The following PLCH1 variants were observed in gnomAD, a reference collection of about 807,000 sequenced individuals.
The protein encoded by PLCH1 is 1-phosphatidylinositol 4,5-bisphosphate phosphodiesterase eta-1.
PLCH1 carries 60 observed loss-of-function variants against 126.7 expected under a neutral mutation model. That is an observed-to-expected ratio of 0.47 (90% CI 0.38 to 0.59). PLCH1 has a LOEUF of 0.59. Among genes scored for constraint, PLCH1 ranks in the 20% least tolerant of loss-of-function variants. The pLI, the probability that PLCH1 is intolerant of heterozygous loss-of-function variation, is 0.00. For missense variants in PLCH1, 1,723 were observed against 2,040.0 expected, an observed-to-expected ratio of 0.84 and a Z score of 2.99; for synonymous variants, 719 against 734.9, an observed-to-expected ratio of 0.98 and a Z score of 0.35.
chr3:155,545,807 ATG>A lies in PLCH1; in HGVS notation c.1362+3978_1362+3979del, dbSNP rs1725178143. Reference sequence around the variant, plus strand: ...AAAAACCACATGATTATCTCAATAGATGCAGAAAAGGCCTTTGACAAAATTCA... The same window carrying A: ...AAAAACCACATGATTATCTCAATAGACAGAAAAGGCCTTTGACAAAATTCA... On this transcript the variant is annotated intron_variant, in intron 10 of 22. Coordinates refer to ENST00000460012, the MANE Select transcript of PLCH1 (RefSeq NM_014996.4). 2.6e-5 allele frequency among the ~76,000 whole-genome samples: 4 copies of A among 151,988 alleles called. No individual in the cohort carries two copies. The South Asian group carries it at 8.3e-4, about 32-fold the overall frequency.
rs567082852 is a variant in PLCH1, at chr3:155,529,305, C to T, written c.1363-5301G>A. ...CCCCAGGAGAATGCAAACAACTCCG[C>T]GATTCACATCTGTAAAAGCAGGAAC... On this transcript the variant is annotated intron_variant, in intron 10 of 22. Transcript: ENST00000460012. Among the ~76,000 whole-genome samples the T allele has an allele frequency of 1.9e-4, 29 of 152,220 alleles. 1 individual carries two copies. In the South Asian group the frequency reaches 5.8e-3, roughly 30 times the overall value.
At chr3:155,701,683 C>T (rs1392336214) in intron 2 of PLCH1, among the ~76,000 whole-genome samples, 3 of 152,222 alleles carry the variant, frequency 2.0e-5, no homozygotes, top group Non-Finnish European at 4.4e-5. Context: ...TCCTACTCAA[C>T]ATGTCCTGTC....
intron 21 of PLCH1, among the ~76,000 whole-genome samples, chr3:155,487,373 G>A (rs1159469671): frequency 6.6e-6 from 1 of 152,180 alleles, no homozygotes; most frequent in African/African-American, 2.4e-5. Flanking sequence ...CAAATCCCGT[G>A]TGGTCCTGAA....
At chr3:155,479,644 G>T (rs1364457499), downstream of PLCH1, among the ~76,000 whole-genome samples, 2 of 150,528 alleles carry the variant, frequency 1.3e-5, no homozygotes, top group Non-Finnish European at 3.0e-5. Context: ...TTTTAAACTT[G>T]CAATAGCAAT....
chr3:155,744,595 A>C (rs966603037), intron 1 of PLCH1, among the ~76,000 whole-genome samples: 5 of 151,972 alleles, frequency 3.3e-5, no homozygotes, highest in African/African-American at 7.3e-5. Flanking sequence ...GCGGACACAC[A>C]CACCCACCCT....
At chr3:155,669,716 T>G (rs959782952) in intron 2 of PLCH1, among the ~76,000 whole-genome samples, 1 of 152,090 alleles carries the variant, frequency 6.6e-6, no homozygotes, top group Non-Finnish European at 1.5e-5. Context: ...AAATTAAGAT[T>G]AAAACCTCAA....
Position 155,485,532 on chromosome 3 carries a change from T to G in PLCH1, c.2798A>C (p.Glu933Ala). Residue 933 changes from glutamate to alanine, a missense_variant, in exon 22 of 23, where the codon GAG becomes GCG. Physicochemically the swap from Glu to Ala is moderately radical, Grantham distance 107. Transcript: ENST00000460012. The stretch of plus-strand genomic sequence containing the variant: ...GGCCTCGGACACAGAATCCTTTATC[T>G]CCACCATTTCTTGGAAGCCCATTTT... ...KSKMGFQEMV[E>A]IKDSVSEATR... 6.2e-7 allele frequency: 1 copy of G among 1,614,176 alleles called. No individual in the cohort carries two copies. Among genetic ancestry groups the G allele is most frequent in the Non-Finnish European group, 8.5e-7 (1 of 1,180,032 alleles).
intron 5 of PLCH1, 59 bp downstream of exon 5, chr3:155,586,006 A>C: frequency 6.8e-7 from 1 of 1,461,780 alleles, no homozygotes; most frequent in Non-Finnish European, 9.6e-7. Context: ...TAATATACCT[A>C]AGTATGTTAA....
intron 1 of PLCH1, among the ~76,000 whole-genome samples, chr3:155,716,902 T>A (rs558476382): frequency 5.1e-4 from 78 of 152,330 alleles, no homozygotes; most frequent in Non-Finnish European, 9.3e-4. Flanking sequence ...AAGTCCGAAG[T>A]CCAAGGTCTC....
At chr3:155,610,562 G>T (rs183910177) in intron 2 of PLCH1, among the ~76,000 whole-genome samples, 29 of 151,960 alleles carry the variant, frequency 1.9e-4, no homozygotes, top group Admixed American at 1.7e-3. Context: ...CCTATCTTTG[G>T]CCTCCTCAAA....
rs139919882 is a variant in PLCH1, at chr3:155,594,400, G to A, written c.227-216C>T. Among the ~76,000 whole-genome samples, 767 of 151,968 alleles carry A rather than the reference G, an allele frequency of 5.0e-3. 8 individuals are homozygous for A. Among genetic ancestry groups the A allele is most frequent in the African/African-American group, 0.018 (729 of 41,442 alleles). On this transcript the variant is annotated intron_variant, in intron 3 of 22. Coordinates refer to ENST00000460012, the MANE Select transcript of PLCH1 (RefSeq NM_014996.4). ...AGCCTGGGCAACATGGTGAAACCCCGTCTCTGCTAAAATAAAAAAAAAATT... is the reference window on the plus strand; with the variant it reads ...AGCCTGGGCAACATGGTGAAACCCCATCTCTGCTAAAATAAAAAAAAAATT...
chr3:155,570,231 T>C (rs1301588021), intron 6 of PLCH1, among the ~76,000 whole-genome samples: 4 of 152,200 alleles, frequency 2.6e-5, no homozygotes, highest in South Asian at 4.1e-4. Flanking sequence ...TTTTACGTAA[T>C]TGAGTTTTTT....
intron 1 of PLCH1, among the ~76,000 whole-genome samples, chr3:155,737,176 G>C (rs1477214612): frequency 7.7e-6 from 1 of 129,942 alleles, no homozygotes. Flanking sequence ...AGGTTGCAGT[G>C]AGCCGAGATC....
At chr3:155,636,406 G>A (rs60592119) in intron 2 of PLCH1, among the ~76,000 whole-genome samples, 44,065 of 151,982 alleles carry the variant, frequency 0.29, 6,900 homozygotes, top group East Asian at 0.44. Flanking sequence ...AATTTTTTAA[G>A]GGGAAGCTTC....
chr3:155,458,445 G>GAAAGAAAGAAAGAAA (rs1712541032), intron 21 of PLCH1, among the ~76,000 whole-genome samples: 1 of 39,318 alleles, frequency 2.5e-5, no homozygotes, highest in Non-Finnish European at 4.1e-5. Context: ...AAGGAAGGAA[G>GAAAGAAAGAAAGAAA]GAAGGAAGGA....
intron 2 of PLCH1, among the ~76,000 whole-genome samples, chr3:155,694,316 T>A (rs1041975407): frequency 3.3e-5 from 5 of 152,134 alleles, no homozygotes; most frequent in Non-Finnish European, 7.4e-5. Flanking sequence ...ACCCAGGAAA[T>A]AGTTTGGTTT....
intron 2 of PLCH1, among the ~76,000 whole-genome samples, chr3:155,632,268 T>C (rs1053346202): frequency 9.2e-5 from 14 of 152,194 alleles, no homozygotes; most frequent in Admixed American, 7.2e-4. Flanking sequence ...CACAGAATAC[T>C]CTATTCCTAC....
intron 11 of PLCH1, among the ~76,000 whole-genome samples, chr3:155,523,035 C>G (rs764617635): frequency 6.6e-6 from 1 of 151,892 alleles, no homozygotes; most frequent in African/African-American, 2.4e-5. Context: ...AGTTCAGTGG[C>G]GCGATCTCGG....
At chr3:155,487,375 G>A (rs949749366) in intron 21 of PLCH1, among the ~76,000 whole-genome samples, 2 of 152,130 alleles carry the variant, frequency 1.3e-5, no homozygotes, top group Admixed American at 1.3e-4. Flanking sequence ...AATCCCGTGT[G>A]GTCCTGAAAA....
Sources: gnomAD v4.1 joint callset for allele counts (sites outside exome capture counted in the v4.1 genomes callset) on GRCh38, gnomAD v4.1.1 for gene constraint, MANE v1.5 for transcripts, NCBI Gene and HGNC (gene_info 2026-07-23, HGNC 2026-07-21) for gene names.